HMGXB4: variants seen among roughly 807,000 people sequenced by gnomAD.
HMGXB4 encodes the protein HMG-box containing 4.
Under a neutral mutation model 63.9 loss-of-function variants are expected in HMGXB4, and 27 were observed. That is an observed-to-expected ratio of 0.42 (90% CI 0.31 to 0.58). The LOEUF (loss-of-function observed/expected upper bound fraction) is 0.58. Among genes scored for constraint, HMGXB4 ranks in the 20% least tolerant of loss-of-function variants. The pLI, the probability that HMGXB4 is intolerant of heterozygous loss-of-function variation, is 0.13. For missense variants in HMGXB4, 624 were observed against 700.7 expected (o/e 0.89, Z 1.24); for synonymous variants, 264 against 265.3 (o/e 0.99, Z 0.05).
intron 5 of HMGXB4, among the ~76,000 whole-genome samples, chr22:35,266,428 T>C (rs973496258): frequency 4.6e-5 from 7 of 152,194 alleles, no homozygotes; most frequent in African/African-American, 1.7e-4. Context: ...CCAAGCTCAA[T>C]GCTGTAGATA....
chr22:35,245,137 GC>G, the HMGXB4 span, among the ~76,000 whole-genome samples: 1 of 152,080 alleles, frequency 6.6e-6, no homozygotes, highest in African/African-American at 2.4e-5. Flanking sequence ...CTCCCAAAAT[GC>G]GGGGACTACA....
At chr22:35,258,344 G>C (rs1341751540) in intron 1 of HMGXB4, 1 of 152,140 alleles carries the variant, frequency 6.6e-6, no homozygotes, top group Non-Finnish European at 1.5e-5. Context: ...CCCCTCTTTT[G>C]GAGGGCTAAG....
rs1326924721 is a variant in HMGXB4, at chr22:35,264,699, A to G, written c.311A>G (p.Gln104Arg). 6.2e-7 allele frequency: 1 copy of G among 1,600,588 alleles called. No homozygotes were observed. Among genetic ancestry groups the G allele is most frequent in the Non-Finnish European group, 8.5e-7 (1 of 1,175,414 alleles). ...AAGAAAAAGAAAAAGTCCAGCCCACAGTCTACTGATACAGCTATGGACCTG... is the reference window on the plus strand; with the variant it reads ...AAGAAAAAGAAAAAGTCCAGCCCACGGTCTACTGATACAGCTATGGACCTG... Reference protein sequence around the residue: ...SQKKKKKSSPQSTDTAMDLLK... With the variant: ...SQKKKKKSSPRSTDTAMDLLK... Residue 104 changes from glutamine to arginine, a missense_variant, in exon 5 of 11, where the codon CAG becomes CGG. This residue lies in a region of HMGXB4 where 472 missense variants were observed against 470.6 expected (regional missense o/e 1.00). Coordinates refer to ENST00000216106, the MANE Select transcript of HMGXB4 (RefSeq NM_001003681.3).
chr22:35,291,429 A>T (rs1924931288), intron 9 of HMGXB4, among the ~76,000 whole-genome samples: 1 of 152,104 alleles, frequency 6.6e-6, no homozygotes, highest in African/African-American at 2.4e-5. Flanking sequence ...GTGGAAAGGG[A>T]TGAGATCAGA....
intron 5 of HMGXB4, among the ~76,000 whole-genome samples, chr22:35,282,689 C>T (rs1208959797): frequency 6.6e-6 from 1 of 152,132 alleles, no homozygotes; most frequent in Non-Finnish European, 1.5e-5. Context: ...ATGCATGGCC[C>T]TGAAAGTCAG....
At chr22:35,278,452 A>G (rs1386038326) in intron 5 of HMGXB4, among the ~76,000 whole-genome samples, 1 of 152,160 alleles carries the variant, frequency 6.6e-6, no homozygotes, top group Non-Finnish European at 1.5e-5. Flanking sequence ...TGGCTGTACC[A>G]TGGGATCTCA....
At chr22:35,271,534 A>G (rs145450229) in intron 5 of HMGXB4, among the ~76,000 whole-genome samples, 109 of 152,324 alleles carry the variant, frequency 7.2e-4, no homozygotes, top group African/African-American at 2.5e-3. Flanking sequence ...TCCTGGCTCT[A>G]TTCACCCACT....
At chr22:35,287,207 C>T (rs1601642905) in intron 7 of HMGXB4, 140 bp from the exon 8 acceptor site, 1 of 648,352 alleles carries the variant, frequency 1.5e-6, no homozygotes, top group East Asian at 2.8e-5. Flanking sequence ...TGACCCCCAG[C>T]TTAAAAGTTA....
At position 35,287,405 on chromosome 22, in the gene HMGXB4, C is replaced by T. The variant is rs749001917; in HGVS notation, c.1421C>T (p.Thr474Ile). ...AAACAGAACAAAGCAGAAGCCACAA[C>T]TGTGAAAAGGAAAGCATCCAGCTCA... is the stretch of plus-strand genomic sequence containing the variant. ...QHKQNKAEAT[T>I]VKRKASSSEG... The change falls in exon 8 of 11, where the codon ACT becomes ATT. Residue 474 changes from threonine (T) to isoleucine (I), a missense_variant. This residue lies in a region of HMGXB4 where 152 missense variants were observed against 230.1 expected (regional missense o/e 0.66). Coordinates refer to ENST00000216106, the MANE Select transcript of HMGXB4 (RefSeq NM_001003681.3). 1 of 1,613,726 alleles carries T rather than the reference C, an allele frequency of 6.2e-7. No individual in the cohort carries two copies. Among genetic ancestry groups the T allele is most frequent in the South Asian group, 1.1e-5 (1 of 91,014 alleles).
rs1438661805 is a variant in HMGXB4, at chr22:35,262,531, A to G, written c.31+110A>G. The G allele has an allele frequency of 2.7e-6, 3 of 1,116,308 alleles. No individual in the cohort carries two copies. The African/African-American group carries it at 4.6e-5, about 17-fold the overall frequency. 69.2% of individuals were successfully genotyped at this position (1,116,308 alleles called of 1,614,324 possible). The stretch of plus-strand genomic sequence containing the variant: ...GCACCACAGCCTGGACTCCCAAGTG[A>G]TGGTCCAGAGCACTGTTATGACACT... On this transcript the variant is annotated intron_variant, in intron 2 of 10. Coordinates refer to ENST00000216106, the MANE Select transcript of HMGXB4 (RefSeq NM_001003681.3).
chr22:35,252,346 T>A, the HMGXB4 span, among the ~76,000 whole-genome samples: 1 of 152,204 alleles, frequency 6.6e-6, no homozygotes, highest in Non-Finnish European at 1.5e-5. Context: ...AACCGAAACT[T>A]TACACCCACT....
rs1179817971 is a variant in HMGXB4 at position 35,293,070 on chromosome 22, A to T, written c.1717A>T (p.Thr573Ser). The change falls in exon 10 of 11, where the codon ACC becomes TCC. Residue 573 changes from threonine to serine, a missense_variant. Physicochemically the swap from Thr to Ser is moderately conservative, Grantham distance 58. This residue lies in a region of HMGXB4 where 152 missense variants were observed against 230.1 expected (regional missense o/e 0.66). Transcript: ENST00000216106. ...TGCCCTTGGCCCCTTGGCATGTCTC[A>T]CCACACAACTACCTGAATTGAATGG... The part of the protein sequence containing the change: ...ICALGPLACL[T>S]TQLPELNGCP... 6.2e-7 allele frequency: 1 copy of T among 1,614,136 alleles called. No homozygotes were observed. Among genetic ancestry groups the T allele is most frequent in the South Asian group, 1.1e-5 (1 of 91,082 alleles).
intron 6 of HMGXB4, 126 bp downstream of exon 6, chr22:35,284,169 T>C: frequency 1.5e-6 from 1 of 665,082 alleles, no homozygotes; most frequent in Non-Finnish European, 2.6e-6. Context: ...TGCAAATCAC[T>C]TTAGATTTTG....
At chr22:35,259,774 C>T (rs1317405321) in intron 1 of HMGXB4, among the ~76,000 whole-genome samples, 2 of 152,170 alleles carry the variant, frequency 1.3e-5, no homozygotes, top group Non-Finnish European at 2.9e-5. Context: ...GTGAATTGGA[C>T]GTGTCTTCAG....
chr22:35,260,649 T>C (rs1188904102), intron 1 of HMGXB4, among the ~76,000 whole-genome samples: 5 of 152,252 alleles, frequency 3.3e-5, no homozygotes, highest in Admixed American at 2.0e-4. Context: ...CCAGTTAATA[T>C]AGTTTCATTA....
At chr22:35,262,967 A>G (rs1922956030) in intron 2 of HMGXB4, 111 bp from the exon 3 acceptor site, 3 of 1,034,448 alleles carry the variant, frequency 2.9e-6, no homozygotes, top group Non-Finnish European at 4.5e-6. Context: ...CTTGATTGAA[A>G]CATTGTTTTA....
In HMGXB4 at chr22:35,265,537, A is replaced by G; in HGVS notation, c.1149A>G (p.Thr383=). Reference sequence around the variant, plus strand: ...CCCTGCCACTTCCTGGCCTCCACACAGATGGGCATAGTGAAAAAAAAAAGA... The same window carrying G: ...CCCTGCCACTTCCTGGCCTCCACACGGATGGGCATAGTGAAAAAAAAAAGA... The part of the protein sequence containing the change: ...APPLPLPGLH[T]DGHSEKKKKK... Residue 383 remains threonine (T), a synonymous_variant, in exon 5 of 11, where the codon ACA becomes ACG. Coordinates refer to ENST00000216106, the MANE Select transcript of HMGXB4 (RefSeq NM_001003681.3). 1 of 1,607,470 alleles carries G rather than the reference A, an allele frequency of 6.2e-7. No individual in the cohort carries two copies. Among genetic ancestry groups the G allele is most frequent in the Non-Finnish European group, 8.5e-7 (1 of 1,178,080 alleles).
At position 35,264,732 on chromosome 22, in the gene HMGXB4, C is replaced by T; in HGVS notation, c.344C>T (p.Ala115Val). ...GATACAGCTATGGACCTGTTGAAAG[C>T]TATCACTTCCCCACTGGCAGCAGGC... ...STDTAMDLLK[A>V]ITSPLAAGSK... is the part of the protein sequence containing the mutation. The change falls in exon 5 of 11, where the codon GCT becomes GTT. Residue 115 changes from alanine to valine, a missense_variant. Coordinates refer to ENST00000216106, the MANE Select transcript of HMGXB4 (RefSeq NM_001003681.3). 6.2e-7 allele frequency: 1 copy of T among 1,614,010 alleles called. No homozygotes were observed. The highest frequency in any genetic ancestry group is 8.5e-7 in the Non-Finnish European group (1 of 1,179,900).
intron 5 of HMGXB4, among the ~76,000 whole-genome samples, chr22:35,282,301 C>T (rs1435766273): frequency 1.3e-5 from 2 of 152,154 alleles, no homozygotes; most frequent in Non-Finnish European, 2.9e-5. Context: ...CTCAGCCTCC[C>T]GAGTAGCTGG....
Sources: allele counts gnomAD v4.1 joint callset (sites outside exome capture counted in the v4.1 genomes callset), GRCh38; gene constraint gnomAD v4.1.1; regional missense constraint gnomAD v4.1.1; transcripts MANE v1.5; gene names NCBI Gene and HGNC (gene_info 2026-07-23, HGNC 2026-07-21).